Variants in TCEA1 observed in about 807,000 individuals in gnomAD.
TCEA1 encodes transcription elongation factor A1, also known as transcription elongation factor A protein 1.
In TCEA1, 21 loss-of-function variants were observed where a neutral mutation model predicts 43.8. The ratio of observed to expected loss-of-function variants is 0.48; its 90% CI spans 0.34 to 0.69. The LOEUF (loss-of-function observed/expected upper bound fraction) is 0.69, where lower values mean the gene tolerates loss of function less well. Ranked by LOEUF, TCEA1 falls within the 30% of genes least tolerant of loss-of-function variation. The pLI, the probability that TCEA1 is intolerant of heterozygous loss-of-function variation, is 0.01. For synonymous variants in TCEA1, 104 were observed against 117.5 expected, an observed-to-expected ratio of 0.88 and a Z score of 0.75; for missense variants, 250 against 365.1, an observed-to-expected ratio of 0.68 and a Z score of 2.57.
chr8:53,988,710 A>G (rs1803772869), intron 4 of TCEA1, among the ~76,000 whole-genome samples: 1 of 152,040 alleles, frequency 6.6e-6, no homozygotes, highest in Admixed American at 6.6e-5. Context: ...TCCACCTCCC[A>G]GGTTCACACC....
intron 1 of TCEA1, among the ~76,000 whole-genome samples, chr8:54,012,676 A>G (rs1228172414): frequency 6.6e-6 from 1 of 152,262 alleles, no homozygotes; most frequent in Non-Finnish European, 1.5e-5. Context: ...TCTTTATCAA[A>G]TCTGAAAAAT....
chr8:53,987,425 C>T (rs1375513067), intron 5 of TCEA1, among the ~76,000 whole-genome samples: 1 of 152,074 alleles, frequency 6.6e-6, no homozygotes, highest in South Asian at 2.1e-4. Context: ...TACAGACACA[C>T]TCAGAAGACT....
rs571099026 is a variant in TCEA1, at chr8:53,996,656, TG to T, written c.233-2902del. On this transcript the variant is annotated intron_variant, in intron 3 of 9. Transcript: ENST00000521604. ...AACTGGCAAGTGATCAACTAAAATA[TG>T]GTATAGTCAACTGAATAAATCATTC... is the stretch of plus-strand genomic sequence containing the variant. Among the ~76,000 whole-genome samples, 1,041 of 152,262 alleles carry T rather than the reference TG, an allele frequency of 6.8e-3. 7 individuals are homozygous for T. The highest frequency in any genetic ancestry group is 0.011 in the Non-Finnish European group (780 of 68,028).
intron 2 of TCEA1, among the ~76,000 whole-genome samples, chr8:54,006,792 T>TA (rs1279516585): frequency 6.6e-6 from 1 of 152,178 alleles, no homozygotes; most frequent in East Asian, 1.9e-4. Flanking sequence ...CTTCATGACT[T>TA]ACTTCCTTTC....
intron 2 of TCEA1, among the ~76,000 whole-genome samples, chr8:54,008,273 T>C (rs969717975): frequency 5.3e-5 from 8 of 150,456 alleles, no homozygotes; most frequent in Middle Eastern, 3.2e-3. Flanking sequence ...AAACTATTCA[T>C]GTGAAAAGGG....
intron 1 of TCEA1, among the ~76,000 whole-genome samples, chr8:54,019,989 T>C (rs1804971343): frequency 2.0e-5 from 3 of 152,244 alleles, no homozygotes; most frequent in Non-Finnish European, 4.4e-5. Flanking sequence ...TCTCATTCTC[T>C]TCCAGACTCA....
chr8:53,977,134 A>T (rs894113274), intron 8 of TCEA1, among the ~76,000 whole-genome samples: 1 of 152,180 alleles, frequency 6.6e-6, no homozygotes, highest in African/African-American at 2.4e-5. Flanking sequence ...CCTGGCTAAC[A>T]CAGTGAAACC....
In TCEA1 at chr8:53,967,785, A is replaced by G; in HGVS notation, c.*319T>C. ...AGAATTTCTACTGTGTATGTTTCAC[A>G]GTGTAAAAGAAAAAAAGTTAAGGTA... On this transcript the variant is annotated 3_prime_UTR_variant, in exon 10 of 10. Coordinates refer to ENST00000521604, the MANE Select transcript of TCEA1 (RefSeq NM_006756.4). 7.0e-6 allele frequency: 2 copies of G among 283,862 alleles called. No individual in the cohort carries two copies. The highest frequency in any genetic ancestry group is 6.6e-6 in the Non-Finnish European group (1 of 150,540). 17.6% of individuals were successfully genotyped at this position (283,862 alleles called of 1,614,324 possible).
chr8:54,012,814 G>A (rs1196669082), intron 1 of TCEA1, among the ~76,000 whole-genome samples: 3 of 151,988 alleles, frequency 2.0e-5, no homozygotes, highest in Admixed American at 6.6e-5. Flanking sequence ...AGTGCCTGTA[G>A]TCCTAGCTAC....
intron 6 of TCEA1, among the ~76,000 whole-genome samples, chr8:53,986,205 G>A (rs1803684818): frequency 6.6e-6 from 1 of 152,184 alleles, no homozygotes; most frequent in African/African-American, 2.4e-5. Flanking sequence ...AAGCCAGTAT[G>A]CAATTTATCC....
chr8:53,984,061 T>C (rs555936946), intron 7 of TCEA1, among the ~76,000 whole-genome samples: 2 of 152,228 alleles, frequency 1.3e-5, no homozygotes, highest in African/African-American at 2.4e-5. Context: ...GATCGTGCCA[T>C]TGCACTCCAG....
At chr8:53,986,178 C>T (rs573719735) in intron 6 of TCEA1, among the ~76,000 whole-genome samples, 71 of 152,310 alleles carry the variant, frequency 4.7e-4, no homozygotes, top group African/African-American at 1.6e-3. Context: ...GATGTCACTC[C>T]TCAGCAGTAG....
At position 53,986,941 on chromosome 8, in the gene TCEA1, C is replaced by T. The variant is rs1425953310; in HGVS notation, c.523+28G>A. The T allele has an allele frequency of 3.3e-6, 5 of 1,518,472 alleles. No homozygotes were observed. In the South Asian group the frequency reaches 6.3e-5, roughly 19 times the overall value. 94.1% of individuals were successfully genotyped at this position (1,518,472 alleles called of 1,614,324 possible). On this transcript the variant is annotated intron_variant, in intron 6 of 9. Coordinates refer to ENST00000521604, the MANE Select transcript of TCEA1 (RefSeq NM_006756.4). ...AATAAATATTACTTATTAAAAAAAA[C>T]AATTATGAATATACACACAAAGGAT... is the stretch of plus-strand genomic sequence containing the variant.
intron 2 of TCEA1, 119 bp from the exon 3 acceptor site, chr8:54,000,169 AT>A: frequency 3.1e-6 from 2 of 645,818 alleles, no homozygotes; most frequent in Non-Finnish European, 2.6e-6. Context: ...CAAAACTTCA[AT>A]TTTTGGATCC....
intron 6 of TCEA1, among the ~76,000 whole-genome samples, chr8:53,985,151 C>T (rs995655095): frequency 5.3e-5 from 8 of 151,908 alleles, no homozygotes; most frequent in African/African-American, 1.7e-4. Flanking sequence ...GTAGCTGCTG[C>T]GATTATAAGC....
chr8:54,018,699 G>C (rs1344645012), intron 1 of TCEA1, among the ~76,000 whole-genome samples: 1 of 152,184 alleles, frequency 6.6e-6, no homozygotes, highest in Non-Finnish European at 1.5e-5. Flanking sequence ...ACTGTGGCTT[G>C]GTCATGTGCA....
intron 1 of TCEA1, chr8:54,021,841 G>GCA (rs1489526154): frequency 2.2e-5 from 9 of 400,364 alleles, no homozygotes; most frequent in Admixed American, 9.3e-5. Flanking sequence ...GCACCAGCGA[G>GCA]CAGGGACTGG....
At position 53,999,923 on chromosome 8, in the gene TCEA1, T is replaced by A. The variant is rs746204721; in HGVS notation, c.232+22A>T. On this transcript the variant is annotated intron_variant, in intron 3 of 9. Coordinates refer to ENST00000521604, the MANE Select transcript of TCEA1 (RefSeq NM_006756.4). ...AATAAATCACAACATCATAAATATA[T>A]GTAAGGGAAGATCAATGATACCTAA... 4.4e-6 allele frequency: 6 copies of A among 1,373,472 alleles called. No individual in the cohort carries two copies. The South Asian group carries it at 7.4e-5, about 17-fold the overall frequency. 85.1% of individuals were successfully genotyped at this position (1,373,472 alleles called of 1,614,324 possible). A position where few individuals can be genotyped will look rare whatever the true frequency, so the allele number is the denominator to read the frequency against.
chr8:54,010,292 C>T (rs1586033726), intron 2 of TCEA1, 138 bp downstream of exon 2: 1 of 656,908 alleles, frequency 1.5e-6, no homozygotes, highest in South Asian at 1.9e-5. Context: ...TTTATATTGC[C>T]ATCTTTAAAA....
Sources: allele counts gnomAD v4.1 joint callset (sites outside exome capture counted in the v4.1 genomes callset), GRCh38; gene constraint gnomAD v4.1.1; transcripts MANE v1.5; gene names NCBI Gene and HGNC (gene_info 2026-07-23, HGNC 2026-07-21).